The following CADM1 variants were observed in gnomAD, a reference collection of about 807,000 sequenced individuals.
CADM1 encodes TSLC-1.
CADM1 carries 15 observed loss-of-function variants against 53.1 expected under a neutral mutation model. The observed-to-expected ratio is 0.28, with a 90% CI of 0.19 to 0.44. The LOEUF (loss-of-function observed/expected upper bound fraction) is 0.44. Ranked by LOEUF, CADM1 falls within the 20% of genes least tolerant of loss-of-function variation. CADM1 has a pLI of 1.00. For synonymous variants in CADM1, 281 were observed against 243.0 expected (o/e 1.16, Z -1.45); for missense variants, 434 against 611.3 (o/e 0.71, Z 3.06).
At chr11:115,496,570 T>A (rs911963097) in intron 1 of CADM1, among the ~76,000 whole-genome samples, 1 of 152,134 alleles carries the variant, frequency 6.6e-6, no homozygotes, top group Non-Finnish European at 1.5e-5. Context: ...GGAGTTTGAA[T>A]CTGATGCAAG....
chr11:115,251,964 C>T (rs903595579), intron 1 of CADM1, among the ~76,000 whole-genome samples: 1 of 152,182 alleles, frequency 6.6e-6, no homozygotes, highest in African/African-American at 2.4e-5. Context: ...AGTAACTACA[C>T]AAACTGGTGC....
chr11:115,418,433 CCTTACAGG>C (rs1947664457), intron 1 of CADM1, among the ~76,000 whole-genome samples: 1 of 152,056 alleles, frequency 6.6e-6, no homozygotes, highest in Non-Finnish European at 1.5e-5. Context: ...AAACTACTAC[CCTTACAGG>C]CTTCCAAAAA....
At chr11:115,404,954 GA>G (rs1382000629) in intron 1 of CADM1, among the ~76,000 whole-genome samples, 1 of 151,938 alleles carries the variant, frequency 6.6e-6, no homozygotes, top group African/African-American at 2.4e-5. Context: ...CAATAAATGT[GA>G]AATGATTCTC....
intron 1 of CADM1, among the ~76,000 whole-genome samples, chr11:115,494,582 C>CA (rs1414077582): frequency 2.0e-5 from 3 of 152,120 alleles, no homozygotes; most frequent in Admixed American, 2.0e-4. Flanking sequence ...ATCTTGCTGT[C>CA]ACGGTGTTCT....
intron 8 of CADM1, among the ~76,000 whole-genome samples, chr11:115,204,696 CAT>C (rs955351964): frequency 1.3e-5 from 2 of 152,180 alleles, no homozygotes; most frequent in African/African-American, 4.8e-5. Context: ...GAACTAAAAA[CAT>C]GTGTTCTGGT....
intron 1 of CADM1, among the ~76,000 whole-genome samples, chr11:115,244,050 T>C (rs1241559670): frequency 6.6e-6 from 1 of 152,222 alleles, no homozygotes; most frequent in Non-Finnish European, 1.5e-5. Flanking sequence ...AGCAACTATA[T>C]TCCCTATAAC....
chr11:115,295,884 C>A (rs906795424), intron 1 of CADM1, among the ~76,000 whole-genome samples: 2 of 152,122 alleles, frequency 1.3e-5, no homozygotes, highest in African/African-American at 4.8e-5. Context: ...TTAAATGCTA[C>A]AAATCTTCCT....
intron 5 of CADM1, among the ~76,000 whole-genome samples, chr11:115,223,486 A>T (rs1245104925): frequency 6.6e-6 from 1 of 152,214 alleles, no homozygotes; most frequent in East Asian, 1.9e-4. Flanking sequence ...GTAAGTATTC[A>T]ATGTCCACAG....
chr11:115,314,651 G>C (rs1034406549), intron 1 of CADM1, among the ~76,000 whole-genome samples: 13 of 152,140 alleles, frequency 8.5e-5, no homozygotes, highest in African/African-American at 3.1e-4. Flanking sequence ...GTAGTAAACA[G>C]AGTGCCCATA....
chr11:115,398,623 C>T (rs1947062264), intron 1 of CADM1, among the ~76,000 whole-genome samples: 1 of 152,206 alleles, frequency 6.6e-6, no homozygotes, highest in Admixed American at 6.5e-5. Flanking sequence ...ACAATCTCAG[C>T]TTACATTCTT....
chr11:115,254,549 A>G (rs1489438668), intron 1 of CADM1, among the ~76,000 whole-genome samples: 1 of 134,896 alleles, frequency 7.4e-6, no homozygotes, highest in Admixed American at 7.7e-5. Context: ...AAGGGAGACA[A>G]ACACACACAC....
At chr11:115,496,949 C>T (rs1446460861) in intron 1 of CADM1, among the ~76,000 whole-genome samples, 1 of 152,002 alleles carries the variant, frequency 6.6e-6, no homozygotes, top group South Asian at 2.1e-4. Flanking sequence ...TAGGTTAATC[C>T]CAGCCAAGTG....
At chr11:115,467,848 A>T (rs1013366703) in intron 1 of CADM1, among the ~76,000 whole-genome samples, 29 of 152,222 alleles carry the variant, frequency 1.9e-4, no homozygotes, top group African/African-American at 6.8e-4. Context: ...AACTTTAAAA[A>T]TTTTTTAAAT....
intron 9 of CADM1, among the ~76,000 whole-genome samples, chr11:115,196,673 C>T (rs1029807150): frequency 3.3e-5 from 5 of 150,320 alleles, no homozygotes; most frequent in African/African-American, 1.2e-4. Flanking sequence ...TGTGTTGGGC[C>T]GCATTCAAAG....
At chr11:115,253,457 A>T (rs945561726) in intron 1 of CADM1, among the ~76,000 whole-genome samples, 1 of 152,144 alleles carries the variant, frequency 6.6e-6, no homozygotes, top group Non-Finnish European at 1.5e-5. Context: ...ACGGGACATA[A>T]TTTTCCCCTT....
intron 1 of CADM1, among the ~76,000 whole-genome samples, chr11:115,313,904 G>T (rs1424856151): frequency 6.6e-6 from 1 of 152,152 alleles, no homozygotes; most frequent in Non-Finnish European, 1.5e-5. Flanking sequence ...CCCATCCATA[G>T]ATCTGGACCA....
chr11:115,488,549 TGG>T (rs1949427051), intron 1 of CADM1, among the ~76,000 whole-genome samples: 1 of 152,174 alleles, frequency 6.6e-6, no homozygotes, highest in Non-Finnish European at 1.5e-5. Flanking sequence ...CTGGTTAGAG[TGG>T]TTCCACCTCT....
intron 1 of CADM1, chr11:115,445,855 CGAGA>C (rs2135336318): frequency 4.8e-6 from 2 of 420,250 alleles, no homozygotes; most frequent in African/African-American, 2.1e-5. Context: ...AAAGAAAAAA[CGAGA>C]GAGAGAGGTA....
Position 115,410,901 on chromosome 11 carries a change from A to C in CADM1, c.124+93370T>G, listed in dbSNP as rs182154396. Among the ~76,000 whole-genome samples the C allele has an allele frequency of 2.0e-5, 3 of 152,316 alleles. No individual in the cohort carries two copies. In the East Asian group the frequency reaches 5.8e-4, roughly 29 times the overall value. On this transcript the variant is annotated intron_variant, in intron 1 of 11. Coordinates refer to ENST00000331581, the MANE Select transcript of CADM1 (RefSeq NM_001301043.2). ...ATTTGATATAGCCACAGTAAAAAACAATCATAATCCATTTGCTGCCATGAC... is the reference window on the plus strand; with the variant it reads ...ATTTGATATAGCCACAGTAAAAAACCATCATAATCCATTTGCTGCCATGAC...
Sources: allele counts gnomAD v4.1 joint callset (sites outside exome capture counted in the v4.1 genomes callset), GRCh38; gene constraint gnomAD v4.1.1; transcripts MANE v1.5; gene names NCBI Gene and HGNC (gene_info 2026-07-23, HGNC 2026-07-21).